NEGR1: variants seen among roughly 807,000 people sequenced by gnomAD.
NEGR1 encodes the protein IgLON family member 4.
Under a neutral mutation model 40.9 loss-of-function variants are expected in NEGR1, and 10 were observed. The ratio of observed to expected loss-of-function variants is 0.24; its 90% CI spans 0.15 to 0.42. The LOEUF is 0.42. Among genes scored for constraint, NEGR1 ranks in the 10% least tolerant of loss-of-function variants. The pLI is 1.00. For synonymous variants in NEGR1, 185 were observed against 166.8 expected (o/e 1.11, Z -0.84); for missense variants, 352 against 438.9 (o/e 0.80, Z 1.77).
chr1:71,503,321 C>T (rs1337147036), intron 6 of NEGR1, among the ~76,000 whole-genome samples: 2 of 152,044 alleles, frequency 1.3e-5, no homozygotes, highest in Non-Finnish European at 2.9e-5. Flanking sequence ...GGAATTAGCA[C>T]CCCCATGTTA....
intron 1 of NEGR1, among the ~76,000 whole-genome samples, chr1:72,269,336 G>A (rs1401735209): frequency 6.6e-6 from 1 of 151,586 alleles, no homozygotes; most frequent in South Asian, 2.1e-4. Context: ...GTGAATCAAG[G>A]TGATTCAGCT....
chr1:72,084,770 T>G (rs1648145266), intron 1 of NEGR1, among the ~76,000 whole-genome samples: 1 of 152,086 alleles, frequency 6.6e-6, no homozygotes, highest in Admixed American at 6.6e-5. Flanking sequence ...ACACCTACCT[T>G]CAGAGAAACT....
At position 71,405,877 on chromosome 1, in the gene NEGR1, A is replaced by G. The variant is rs1646274923; in HGVS notation, c.*1569T>C. The G allele has an allele frequency of 6.6e-6, 1 of 152,256 alleles. No homozygotes were observed. Among genetic ancestry groups the G allele is most frequent in the Non-Finnish European group, 1.5e-5 (1 of 67,822 alleles). 9.4% of individuals were successfully genotyped at this position (152,256 alleles called of 1,614,324 possible). ...AAATTGGTAACTTCATCAAACCTGT[A>G]AAATGGCTTTCAAGGTGATGGCCTT... On this transcript the variant is annotated 3_prime_UTR_variant, in exon 7 of 7. Coordinates refer to ENST00000357731, the MANE Select transcript of NEGR1 (RefSeq NM_173808.3).
intron 6 of NEGR1, among the ~76,000 whole-genome samples, chr1:71,432,087 C>T (rs945119528): frequency 2.3e-4 from 35 of 152,044 alleles, no homozygotes; most frequent in African/African-American, 8.2e-4. Context: ...TCATATAGGT[C>T]CCAGAGGGAA....
At chr1:72,072,075 C>T (rs1257363828) in intron 1 of NEGR1, among the ~76,000 whole-genome samples, 1 of 152,132 alleles carries the variant, frequency 6.6e-6, no homozygotes, top group Non-Finnish European at 1.5e-5. Context: ...TTGAAATAGA[C>T]TTTCCTACTT....
intron 1 of NEGR1, among the ~76,000 whole-genome samples, chr1:72,189,472 T>C (rs191329365): frequency 6.6e-6 from 1 of 151,662 alleles, no homozygotes; most frequent in African/African-American, 2.4e-5. Context: ...CATGCTGTGG[T>C]ACCTCTGTTC....
intron 1 of NEGR1, among the ~76,000 whole-genome samples, chr1:72,130,435 A>G (rs1175728933): frequency 6.6e-6 from 1 of 152,152 alleles, no homozygotes; most frequent in East Asian, 1.9e-4. Context: ...CTGGAGTACA[A>G]CGTCACTTTT....
intron 1 of NEGR1, among the ~76,000 whole-genome samples, chr1:72,206,994 A>G (rs182944539): frequency 6.6e-6 from 1 of 151,792 alleles, no homozygotes. Flanking sequence ...AAGTATAAAT[A>G]TTAGAGACAT....
intron 2 of NEGR1, among the ~76,000 whole-genome samples, chr1:71,877,735 A>T (rs1372310516): frequency 6.6e-6 from 1 of 152,154 alleles, no homozygotes; most frequent in Non-Finnish European, 1.5e-5. Context: ...TATACATTTT[A>T]TAATAAATAC....
chr1:71,904,974 T>A (rs1195445649), intron 2 of NEGR1, among the ~76,000 whole-genome samples: 1 of 152,120 alleles, frequency 6.6e-6, no homozygotes, highest in South Asian at 2.1e-4. Flanking sequence ...TAATACTGCC[T>A]ACAAATGAAT....
intron 6 of NEGR1, among the ~76,000 whole-genome samples, chr1:71,585,665 T>A (rs1298702378): frequency 1.3e-5 from 2 of 150,906 alleles, no homozygotes; most frequent in Non-Finnish European, 3.0e-5. Context: ...AGTAGAGTAA[T>A]TAATCTTGTA....
chr1:71,652,227 A>G (rs940693583), intron 4 of NEGR1, among the ~76,000 whole-genome samples: 1 of 152,222 alleles, frequency 6.6e-6, no homozygotes, highest in African/African-American at 2.4e-5. Context: ...AAGCTGCATT[A>G]CTTCTCACAC....
intron 1 of NEGR1, among the ~76,000 whole-genome samples, 182 bp from the exon 2 acceptor site, chr1:71,935,493 C>T (rs1292057213): frequency 6.6e-6 from 1 of 151,130 alleles, no homozygotes; most frequent in Non-Finnish European, 1.5e-5. Flanking sequence ...AAATGTGAAA[C>T]AATACTTGTG....
At chr1:72,051,390 C>A (rs1647058934) in intron 1 of NEGR1, among the ~76,000 whole-genome samples, 1 of 151,474 alleles carries the variant, frequency 6.6e-6, no homozygotes, top group African/African-American at 2.4e-5. Context: ...AGAAACACTT[C>A]TTTTGGCACG....
intron 2 of NEGR1, among the ~76,000 whole-genome samples, chr1:71,890,052 G>C (rs1418365804): frequency 9.2e-6 from 1 of 108,222 alleles, no homozygotes; most frequent in Admixed American, 1.1e-4. Flanking sequence ...TGCCCTAAAA[G>C]AGCTCCTGAA....
At chr1:72,200,605 C>T (rs534612418) in intron 1 of NEGR1, among the ~76,000 whole-genome samples, 5 of 151,744 alleles carry the variant, frequency 3.3e-5, no homozygotes, top group East Asian at 3.9e-4. Context: ...GAAATGTACC[C>T]GTGTAAAAAA....
At chr1:72,255,817 G>A (rs1655255494) in intron 1 of NEGR1, among the ~76,000 whole-genome samples, 1 of 152,066 alleles carries the variant, frequency 6.6e-6, no homozygotes, top group African/African-American at 2.4e-5. Flanking sequence ...CCAAAGTGCT[G>A]GGATTACAGG....
At chr1:72,250,385 AT>A (rs1655047521) in intron 1 of NEGR1, among the ~76,000 whole-genome samples, 1 of 152,120 alleles carries the variant, frequency 6.6e-6, no homozygotes, top group Admixed American at 6.5e-5. Flanking sequence ...AGAGAAAACT[AT>A]TTTAAGCTTA....
intron 2 of NEGR1, among the ~76,000 whole-genome samples, chr1:71,834,931 T>C (rs1403723794): frequency 1.0e-5 from 1 of 95,450 alleles, no homozygotes; most frequent in Non-Finnish European, 2.2e-5. Context: ...TTGCTGTATA[T>C]GAAAACACCC....
Sources: allele counts gnomAD v4.1 joint callset (sites outside exome capture counted in the v4.1 genomes callset), GRCh38; gene constraint gnomAD v4.1.1; transcripts MANE v1.5; gene names NCBI Gene and HGNC (gene_info 2026-07-23, HGNC 2026-07-21).